The following KALRN variants were observed in gnomAD, a reference collection of about 807,000 sequenced individuals.
KALRN encodes the protein kalirin.
KALRN carries 70 observed loss-of-function variants against 353.7 expected under a neutral mutation model. That is an observed-to-expected ratio of 0.20 (90% CI 0.16 to 0.24). The LOEUF is 0.24. KALRN is among the 10% of genes least tolerant of loss of function. KALRN has a pLI of 1.00. For synonymous variants in KALRN, 1,391 were observed against 1,434.8 expected (o/e 0.97, Z 0.69); for missense variants, 2,791 against 3,756.7 (o/e 0.74, Z 6.72).
intron 13 of KALRN, among the ~76,000 whole-genome samples, chr3:124,411,257 C>T (rs1463208385): frequency 6.6e-6 from 1 of 151,748 alleles, no homozygotes. Context: ...TGGAAAGGCT[C>T]TATAGTTTAT....
intron 33 of KALRN, among the ~76,000 whole-genome samples, chr3:124,514,581 A>G (rs1171992491): frequency 6.6e-6 from 1 of 152,208 alleles, no homozygotes; most frequent in Middle Eastern, 3.2e-3. Flanking sequence ...GGTAAGTATC[A>G]TTATCCTCAT....
intron 1 of KALRN, among the ~76,000 whole-genome samples, chr3:124,167,364 C>T (rs1028403863): frequency 2.0e-5 from 3 of 152,206 alleles, no homozygotes; most frequent in Non-Finnish European, 4.4e-5. Flanking sequence ...TTGTCAGAAA[C>T]ACTGGGAGCA....
intron 37 of KALRN, among the ~76,000 whole-genome samples, chr3:124,649,807 A>ATAGATAGG (rs1255730559): frequency 1.3e-5 from 2 of 150,006 alleles, no homozygotes; most frequent in Non-Finnish European, 3.0e-5. Context: ...AGATAGATAG[A>ATAGATAGG]TAGATAGATA....
chr3:124,550,200 G>A (rs552569393), intron 33 of KALRN, among the ~76,000 whole-genome samples: 17 of 152,290 alleles, frequency 1.1e-4, no homozygotes, highest in African/African-American at 3.9e-4. Flanking sequence ...AGAGAAAAGA[G>A]TCTCTCTCAA....
At position 124,044,863 on chromosome 3, in the gene KALRN, T is replaced by C. The variant is rs148616275; in HGVS notation, c.73+11050T>C. Among the ~76,000 whole-genome samples the C allele has an allele frequency of 7.5e-3, 150 of 19,920 alleles. 5 individuals are homozygous for C. The highest frequency in any genetic ancestry group is 0.018 in the African/African-American group (143 of 7,746). 13.1% of individuals were successfully genotyped at this position (19,920 alleles called of 152,430 possible). A position where few individuals can be genotyped will look rare whatever the true frequency, so the allele number is the denominator to read the frequency against. ...CCTCCCTCCCTCCCTCCCTCCCTCCTTCCTTCCTTCCTTCCTTCCTTCCTT... is the reference window on the plus strand; with the variant it reads ...CCTCCCTCCCTCCCTCCCTCCCTCCCTCCTTCCTTCCTTCCTTCCTTCCTT... On this transcript the variant is annotated intron_variant, in intron 1 of 59. Transcript: ENST00000682506.
chr3:124,571,175 TTA>T (rs2110053389), intron 34 of KALRN, among the ~76,000 whole-genome samples: 1 of 152,368 alleles, frequency 6.6e-6, no homozygotes, highest in Non-Finnish European at 1.5e-5. Context: ...AGATAAAATG[TTA>T]AACACTTCTT....
chr3:124,677,581 A>G, intron 49 of KALRN: 1 of 456,692 alleles, frequency 2.2e-6, no homozygotes, highest in Non-Finnish European at 4.4e-6. Context: ...ATATAGACCG[A>G]GAAACTCTTT....
At chr3:124,342,035 A>G (rs2081788155) in intron 9 of KALRN, among the ~76,000 whole-genome samples, 1 of 151,976 alleles carries the variant, frequency 6.6e-6, no homozygotes, top group Admixed American at 6.6e-5. Context: ...AAGAGGGGGT[A>G]GGGCCAGGTA....
chr3:124,373,857 G>T (rs75316783), intron 10 of KALRN, among the ~76,000 whole-genome samples: 2,983 of 152,182 alleles, frequency 0.02, 98 homozygotes, highest in African/African-American at 0.067. Context: ...ATATCTTTTT[G>T]CAGGGACAGA....
intron 33 of KALRN, among the ~76,000 whole-genome samples, chr3:124,527,613 A>G (rs1173907978): frequency 6.6e-6 from 1 of 151,430 alleles, no homozygotes; most frequent in Admixed American, 6.6e-5. Context: ...AAAAAAAAAA[A>G]GAAGAAGAAG....
intron 34 of KALRN, among the ~76,000 whole-genome samples, chr3:124,604,225 T>C (rs555509431): frequency 5.3e-5 from 8 of 152,330 alleles, no homozygotes; most frequent in Admixed American, 3.3e-4. Flanking sequence ...TATGTATACA[T>C]GTGCCATGCT....
At chr3:124,632,818 T>C in intron 35 of KALRN, 115 bp downstream of exon 35, 1 of 1,008,008 alleles carries the variant, frequency 9.9e-7, no homozygotes, top group East Asian at 2.4e-5. Flanking sequence ...ACCTTGAGCC[T>C]AAGTGATTTG....
At chr3:124,673,894 A>G (rs1578872336) in intron 48 of KALRN, among the ~76,000 whole-genome samples, 4 of 152,316 alleles carry the variant, frequency 2.6e-5, no homozygotes, top group East Asian at 3.9e-4. Flanking sequence ...GGGTCAGAAT[A>G]TAAAGTAAAG....
At chr3:124,456,791 C>T in intron 23 of KALRN, 63 bp downstream of exon 23, 1 of 1,128,246 alleles carries the variant, frequency 8.9e-7, no homozygotes, top group South Asian at 1.3e-5. Flanking sequence ...TTCACCGCTA[C>T]TTGTCCCTTT....
chr3:124,380,917 C>T (rs1248986320), intron 10 of KALRN, among the ~76,000 whole-genome samples: 1 of 152,174 alleles, frequency 6.6e-6, no homozygotes, highest in East Asian at 1.9e-4. Context: ...TGAATATTAA[C>T]ATTGGTGGAG....
chr3:124,125,755 CT>C (rs1407782782), intron 1 of KALRN, among the ~76,000 whole-genome samples: 2 of 152,184 alleles, frequency 1.3e-5, no homozygotes, highest in Non-Finnish European at 2.9e-5. Context: ...TACTCCTTGC[CT>C]TTGATTCCCC....
intron 33 of KALRN, among the ~76,000 whole-genome samples, chr3:124,559,310 GGAGA>G (rs940443311): frequency 2.6e-5 from 4 of 152,214 alleles, no homozygotes; most frequent in African/African-American, 9.6e-5. Context: ...GACCCAGAAA[GGAGA>G]GAGACTGGGA....
chr3:124,462,452 AC>A, intron 24 of KALRN, 71 bp from the exon 25 acceptor site: 1 of 830,810 alleles, frequency 1.2e-6, no homozygotes, highest in African/African-American at 1.7e-5. Flanking sequence ...AAGTTTGAGC[AC>A]CTGTGTATTT....
At chr3:124,393,405 A>G (rs933584353) in intron 11 of KALRN, among the ~76,000 whole-genome samples, 3 of 152,238 alleles carry the variant, frequency 2.0e-5, no homozygotes, top group Admixed American at 1.3e-4. Flanking sequence ...TTAAGCTATC[A>G]TTATCAATAT....
Sources: allele counts gnomAD v4.1 joint callset (sites outside exome capture counted in the v4.1 genomes callset), GRCh38; gene constraint gnomAD v4.1.1; transcripts MANE v1.5; gene names NCBI Gene and HGNC (gene_info 2026-07-23, HGNC 2026-07-21).